The following NOVA1 variants were observed in gnomAD, a reference collection of about 807,000 sequenced individuals.
The protein encoded by NOVA1 is RNA-binding protein Nova-1.
A neutral mutation model predicts 38.0 loss-of-function variants in NOVA1; 7 were observed. The ratio of observed to expected loss-of-function variants is 0.18; its 90% CI spans 0.10 to 0.35. The LOEUF (loss-of-function observed/expected upper bound fraction) is 0.35. Ranked by LOEUF, NOVA1 falls within the 10% of genes least tolerant of loss-of-function variation. The probability of loss-of-function intolerance (pLI) is 1.00; values close to 1 mark genes in which losing one functional copy is unlikely to be tolerated. For missense variants in NOVA1, 460 were observed against 616.0 expected (o/e 0.75, Z 2.68); for synonymous variants, 270 against 232.5 (o/e 1.16, Z -1.47).
intron 1 of NOVA1, 99 bp from the exon 2 acceptor site, chr14:26,595,652 G>A (rs1029328127): frequency 1.1e-6 from 1 of 932,666 alleles, no homozygotes; most frequent in South Asian, 1.9e-5. Flanking sequence ...AAAGCACTGG[G>A]TATATAACTG....
At chr14:26,555,492 A>T (rs944234049) in intron 2 of NOVA1, among the ~76,000 whole-genome samples, 7 of 152,132 alleles carry the variant, frequency 4.6e-5, no homozygotes, top group Admixed American at 2.6e-4. Context: ...TTTATCAGTC[A>T]TTCCTTCTCA....
chr14:26,485,567 G>A (rs1885819272), intron 2 of NOVA1, among the ~76,000 whole-genome samples: 1 of 151,890 alleles, frequency 6.6e-6, no homozygotes, highest in Non-Finnish European at 1.5e-5. Flanking sequence ...AATATTTTTT[G>A]TTGTGGTCTA....
intron 1 of NOVA1, chr14:26,595,934 AC>A (rs1438925809): frequency 4.9e-6 from 2 of 404,552 alleles, no homozygotes; most frequent in African/African-American, 4.2e-5. Context: ...AAGATGACAA[AC>A]CTTCACTTAA....
intron 2 of NOVA1, among the ~76,000 whole-genome samples, chr14:26,570,172 C>T (rs774231154): frequency 6.6e-6 from 1 of 151,964 alleles, no homozygotes; most frequent in Non-Finnish European, 1.5e-5. Context: ...CATGGTGAAA[C>T]CCTGTCTCTA....
chr14:26,577,801 T>C (rs1357112767), intron 2 of NOVA1, among the ~76,000 whole-genome samples: 1 of 152,124 alleles, frequency 6.6e-6, no homozygotes. Flanking sequence ...TCATATTTAA[T>C]TCTAACATAC....
intron 2 of NOVA1, among the ~76,000 whole-genome samples, chr14:26,505,595 T>C (rs1887588704): frequency 6.6e-6 from 1 of 152,162 alleles, no homozygotes; most frequent in African/African-American, 2.4e-5. Flanking sequence ...ACAACACCTT[T>C]CCTTGATTTA....
At chr14:26,511,799 G>C (rs1888116404) in intron 2 of NOVA1, among the ~76,000 whole-genome samples, 1 of 151,968 alleles carries the variant, frequency 6.6e-6, no homozygotes, top group African/African-American at 2.4e-5. Context: ...GGTGTGTTGG[G>C]TAGGCAGGGA....
chr14:26,541,417 T>C (rs990588459), intron 2 of NOVA1, among the ~76,000 whole-genome samples: 4 of 151,346 alleles, frequency 2.6e-5, no homozygotes, highest in Non-Finnish European at 4.4e-5. Context: ...TAAAGTCCTA[T>C]ACAATCTTAC....
intron 2 of NOVA1, among the ~76,000 whole-genome samples, chr14:26,502,361 G>C (rs1329604785): frequency 6.6e-6 from 1 of 151,686 alleles, no homozygotes; most frequent in Non-Finnish European, 1.5e-5. Context: ...AGATGCAGCT[G>C]TTCTTTTGCA....
chr14:26,488,308 T>C (rs1886077312), intron 2 of NOVA1, among the ~76,000 whole-genome samples: 2 of 152,298 alleles, frequency 1.3e-5, no homozygotes, highest in Admixed American at 6.5e-5. Flanking sequence ...TCTAAAAATA[T>C]TCATTCTTCA....
intron 4 of NOVA1, among the ~76,000 whole-genome samples, chr14:26,454,885 C>A (rs1158573140): frequency 6.6e-6 from 1 of 152,062 alleles, no homozygotes; most frequent in African/African-American, 2.4e-5. Context: ...TACTGAGGCT[C>A]CACTTAGTAG....
intron 4 of NOVA1, among the ~76,000 whole-genome samples, chr14:26,454,247 G>A (rs1377256101): frequency 1.3e-5 from 2 of 152,112 alleles, no homozygotes; most frequent in Non-Finnish European, 2.9e-5. Flanking sequence ...GGCACAGGTT[G>A]CACAAGCTTG....
intron 2 of NOVA1, among the ~76,000 whole-genome samples, chr14:26,559,244 T>C (rs992668684): frequency 6.6e-6 from 1 of 151,996 alleles, no homozygotes; most frequent in African/African-American, 2.4e-5. Context: ...TTTAGAAAAA[T>C]ATAAAATATA....
intron 2 of NOVA1, among the ~76,000 whole-genome samples, chr14:26,515,608 T>C (rs536200858): frequency 6.6e-6 from 1 of 152,108 alleles, no homozygotes; most frequent in Non-Finnish European, 1.5e-5. Context: ...CTATCATGGT[T>C]ACTTTACATT....
chr14:26,552,256 A>G (rs2138646608), intron 2 of NOVA1, among the ~76,000 whole-genome samples: 1 of 152,258 alleles, frequency 6.6e-6, no homozygotes, highest in South Asian at 2.1e-4. Flanking sequence ...TGAGTGGAAT[A>G]GAGTTCATGT....
At chr14:26,482,012 A>C (rs1011255395) in intron 2 of NOVA1, among the ~76,000 whole-genome samples, 11 of 127,502 alleles carry the variant, frequency 8.6e-5, no homozygotes, top group Admixed American at 4.2e-4. Flanking sequence ...AAAAAAAAAA[A>C]AACATGGCTC....
In NOVA1 at chr14:26,517,212, C is replaced by T. The variant is rs990974557; in HGVS notation, c.281-37069G>A. ...GAGCCACCACACCCAGCCAACTTTG[C>T]CTCTTAATACTCTTCCCTTGCTCAT... On this transcript the variant is annotated intron_variant, in intron 2 of 4. Transcript: ENST00000539517. Among the ~76,000 whole-genome samples, 4 of 152,104 alleles carry T rather than the reference C, an allele frequency of 2.6e-5. No homozygotes were observed. The East Asian group carries it at 7.8e-4, about 30-fold the overall frequency.
intron 2 of NOVA1, among the ~76,000 whole-genome samples, chr14:26,530,269 C>T (rs1889611718): frequency 6.6e-6 from 1 of 152,230 alleles, no homozygotes; most frequent in Non-Finnish European, 1.5e-5. Context: ...TAGGCTTGGC[C>T]TCGCACTTGT....
chr14:26,448,512 C>G lies in NOVA1; in HGVS notation c.971G>C (p.Ser324Thr). ...TAAAGTGTTGAGATTATATCCATAG[C>G]TGGCTAATGTATTAAGTGCAGAGGT... ...AITSALNTLA[S>T]YGYNLNTLGL... Residue 324 changes from serine (S) to threonine (T), a missense_variant, in exon 5 of 5, where the codon AGC (serine) becomes ACC (threonine). Coordinates refer to ENST00000539517, the MANE Select transcript of NOVA1 (RefSeq NM_002515.3). The surrounding 1 kb of genome is among the most constrained non-coding windows in gnomAD (Gnocchi z 5.3). 2 of 1,614,176 alleles carry G rather than the reference C, an allele frequency of 1.2e-6. No individual in the cohort carries two copies. Among genetic ancestry groups the G allele is most frequent in the Non-Finnish European group, 1.7e-6 (2 of 1,180,042 alleles).
Sources: allele counts gnomAD v4.1 joint callset (sites outside exome capture counted in the v4.1 genomes callset), GRCh38; gene constraint gnomAD v4.1.1; non-coding constraint Gnocchi (gnomAD v3.1); transcripts MANE v1.5; gene names NCBI Gene and HGNC (gene_info 2026-07-23, HGNC 2026-07-21).